Variants in FOXD3 observed in about 807,000 individuals in gnomAD.
FOXD3 encodes forkhead box protein D3.
FOXD3 carries 3 observed loss-of-function variants against 3.6 expected under a neutral mutation model. The observed-to-expected ratio is 0.84, with a 90% CI of 0.38 to 2.18. The LOEUF is 2.18. Among genes scored for constraint, FOXD3 ranks in the 30% most tolerant of loss-of-function variants. The pLI is 0.06. For missense variants in FOXD3, 686 were observed against 731.6 expected, an observed-to-expected ratio of 0.94 and a Z score of 0.72; for synonymous variants, 391 against 360.9, an observed-to-expected ratio of 1.08 and a Z score of -0.94.
At position 63,323,645 on chromosome 1, in the gene FOXD3, A is replaced by G. The variant is rs1647047471; in HGVS notation, c.587A>G (p.Asn196Ser). Residue 196 changes from asparagine (N) to serine (S), a missense_variant, in exon 1 of 1, where the codon AAC becomes AGC. Asn to Ser is a conservative substitution (Grantham distance 46). Coordinates refer to ENST00000371116, the MANE Select transcript of FOXD3 (RefSeq NM_012183.3). The surrounding 1 kb of genome is among the most constrained non-coding windows in gnomAD (Gnocchi z 6.8). ...QNSIRHNLSL[N>S]DCFVKIPREP... The stretch of plus-strand genomic sequence containing the variant: ...AGCATCCGCCACAACCTCTCACTCA[A>G]CGACTGCTTCGTCAAGATCCCCCGC... The G allele has an allele frequency of 6.2e-7, 1 of 1,613,830 alleles. No homozygotes were observed. Among genetic ancestry groups the G allele is most frequent in the Admixed American group, 1.7e-5 (1 of 59,992 alleles).
chr1:63,323,241 G>A lies in FOXD3; in HGVS notation c.183G>A (p.Val61=). 1 of 1,522,048 alleles carries A rather than the reference G, an allele frequency of 6.6e-7. No individual in the cohort carries two copies. Among genetic ancestry groups the A allele is most frequent in the Non-Finnish European group, 8.8e-7 (1 of 1,135,788 alleles). 94.3% of individuals were successfully genotyped at this position (1,522,048 alleles called of 1,614,324 possible). The change falls in exon 1 of 1, where the codon GTG becomes GTA. Residue 61 remains valine, a synonymous_variant. Coordinates refer to ENST00000371116, the MANE Select transcript of FOXD3 (RefSeq NM_012183.3). This position sits in a 1 kb window ranked among gnomAD's most constrained non-coding sequence, Gnocchi z 6.8. ...TGCGCCTGGACGAGGCGGACGAGGT[G>A]CCCCCGGCGGCACCCCATCACGGAC... is the stretch of plus-strand genomic sequence containing the variant. ...PELRLDEADE[V]PPAAPHHGQP...
At position 63,323,734 on chromosome 1, in the gene FOXD3, G is replaced by C; in HGVS notation, c.676G>C (p.Asp226His). Residue 226 changes from aspartate to histidine, a missense_variant, in exon 1 of 1, where the codon GAC (aspartate) becomes CAC (histidine). Asp to His is a moderately conservative substitution (Grantham distance 81, BLOSUM62 -1). This residue lies in a region of FOXD3 where 84 missense variants were observed against 145.2 expected (regional missense o/e 0.58). Coordinates refer to ENST00000371116, the MANE Select transcript of FOXD3 (RefSeq NM_012183.3). The surrounding 1 kb of genome is among the most constrained non-coding windows in gnomAD (Gnocchi z 6.8). Reference sequence around the variant, plus strand: ...GGACCCGCAGTCCGAGGACATGTTCGACAACGGCAGCTTCCTGCGGCGCCG... The same window carrying C: ...GGACCCGCAGTCCGAGGACATGTTCCACAACGGCAGCTTCCTGCGGCGCCG... ...TLDPQSEDMF[D>H]NGSFLRRRKR... 1 of 1,613,892 alleles carries C rather than the reference G, an allele frequency of 6.2e-7. No individual in the cohort carries two copies. Among genetic ancestry groups the C allele is most frequent in the African/African-American group, 1.3e-5 (1 of 75,064 alleles).
rs1405651367 is a variant in FOXD3, at chr1:63,322,631, CG to C, written c.-427del. The stretch of plus-strand genomic sequence containing the variant: ...CCTGACACCCAGCCCCCTGCCCCCC[CG>C]CTACTGTCCCTGCCCGCGCCCTCCC... On this transcript the variant is annotated 5_prime_UTR_variant, in exon 1 of 1. Transcript: ENST00000371116. 67 of 954,684 alleles carry C rather than the reference CG, an allele frequency of 7.0e-5. No individual in the cohort carries two copies. The highest frequency in any genetic ancestry group is 8.1e-5 in the Non-Finnish European group (65 of 802,164). 59.1% of individuals were successfully genotyped at this position (954,684 alleles called of 1,614,324 possible). A position where few individuals can be genotyped will look rare whatever the true frequency, so the allele number is the denominator to read the frequency against.
At position 63,323,895 on chromosome 1, in the gene FOXD3, T is replaced by A. The variant is rs1047985255; in HGVS notation, c.837T>A (p.Pro279=). ...ACGGCCGCCCCTACGGCCTGCACCC[T>A]GCGGCGGCGGCCGGTGCCTATTCGC... ...GPYGRPYGLH[P]AAAAGAYSHP... is the part of the protein sequence containing the mutation. Residue 279 remains proline, a synonymous_variant, in exon 1 of 1, where the codon CCT becomes CCA. Transcript: ENST00000371116. This position sits in a 1 kb window ranked among gnomAD's most constrained non-coding sequence, Gnocchi z 6.8. The A allele has an allele frequency of 2.9e-6, 4 of 1,364,448 alleles. No homozygotes were observed. The highest frequency in any genetic ancestry group is 3.1e-5 in the African/African-American group (2 of 64,568). 84.5% of individuals were successfully genotyped at this position (1,364,448 alleles called of 1,614,324 possible).
rs757659548 is a variant in FOXD3 at position 63,324,095 on chromosome 1, A to G, written c.1037A>G (p.Asn346Ser). ...GGCCCGGGCCTGCAGCTGCAGCTCA[A>G]TAGCCTGGGCGCCGCCGCGGCCGCT... ...QLGPGLQLQL[N>S]SLGAAAAAAG... is the part of the protein sequence containing the mutation. The change falls in exon 1 of 1, where the codon AAT becomes AGT. Residue 346 changes from asparagine to serine, a missense_variant. Asn to Ser is a conservative substitution (Grantham distance 46). Transcript: ENST00000371116. The surrounding 1 kb of genome is among the most constrained non-coding windows in gnomAD (Gnocchi z 4.1). 2.9e-5 allele frequency: 41 copies of G among 1,429,104 alleles called. No homozygotes were observed. Among genetic ancestry groups the G allele is most frequent in the South Asian group, 7.1e-5 (5 of 70,072 alleles). The allele number at this position is 1,429,104 out of a possible 1,614,324, so 88.5% of individuals were successfully genotyped here.
In FOXD3 at chr1:63,323,422, G is replaced by A; in HGVS notation, c.364G>A (p.Ala122Thr). The A allele has an allele frequency of 6.5e-7, 1 of 1,549,536 alleles. No individual in the cohort carries two copies. Among genetic ancestry groups the A allele is most frequent in the Non-Finnish European group, 8.7e-7 (1 of 1,151,472 alleles). ...EGGASGGGPG[A>T]GSGSAGGLAP... The stretch of plus-strand genomic sequence containing the variant: ...CGGCGCGAGCGGCGGCGGGCCTGGC[G>A]CGGGCAGCGGTTCGGCGGGAGGCCT... The change falls in exon 1 of 1, where the codon GCG (alanine) becomes ACG (threonine). Residue 122 changes from alanine (A) to threonine (T), a missense_variant. By Grantham distance (58) the Ala-to-Thr change is moderately conservative. Transcript: ENST00000371116. The surrounding 1 kb of genome is among the most constrained non-coding windows in gnomAD (Gnocchi z 6.8).
rs1647051559 is a variant in FOXD3 at position 63,323,924 on chromosome 1, C to G, written c.866C>G (p.Pro289Arg). ...PAAAAGAYSH[P>R]AAAAAAAAAA... ...GCGGCGGCCGGTGCCTATTCGCACC[C>G]GGCAGCGGCGGCGGCCGCGGCTGCT... Residue 289 changes from proline to arginine, a missense_variant, in exon 1 of 1, where the codon CCG becomes CGG. Pro to Arg is a moderately radical substitution (Grantham distance 103). Transcript: ENST00000371116. The surrounding 1 kb of genome is among the most constrained non-coding windows in gnomAD (Gnocchi z 6.8). 1.1e-5 allele frequency: 14 copies of G among 1,254,412 alleles called. 1 individual carries two copies. The highest frequency in any genetic ancestry group is 1.3e-5 in the Non-Finnish European group (13 of 1,004,590). 77.7% of individuals were successfully genotyped at this position (1,254,412 alleles called of 1,614,324 possible).
chr1:63,323,130 C>T lies in FOXD3; in HGVS notation c.72C>T (p.Asp24=), dbSNP rs1322718255. Residue 24 remains aspartate (D), a synonymous_variant, in exon 1 of 1, where the codon GAC becomes GAT. Transcript: ENST00000371116. The surrounding 1 kb of genome is among the most constrained non-coding windows in gnomAD (Gnocchi z 6.8). ...CGGTGCTGACGGCCGAGGACGTGGA[C>T]ATCGATGTGGTGGGCGAGGGCGACG... ...GQTVLTAEDV[D]IDVVGEGDDG... is the part of the protein sequence containing the mutation. The T allele has an allele frequency of 1.9e-6, 3 of 1,571,842 alleles. No homozygotes were observed. The highest frequency in any genetic ancestry group is 1.7e-6 in the Non-Finnish European group (2 of 1,160,878).
At position 63,323,431 on chromosome 1, in the gene FOXD3, G is replaced by A. The variant is rs761929539; in HGVS notation, c.373G>A (p.Gly125Ser). 5 of 1,561,986 alleles carry A rather than the reference G, an allele frequency of 3.2e-6. No individual in the cohort carries two copies. The African/African-American group carries it at 5.6e-5, about 18-fold the overall frequency. ...ASGGGPGAGS[G>S]SAGGLAPSKP... Reference sequence around the variant, plus strand: ...CGGCGGCGGGCCTGGCGCGGGCAGCGGTTCGGCGGGAGGCCTGGCCCCGAG... The same window carrying A: ...CGGCGGCGGGCCTGGCGCGGGCAGCAGTTCGGCGGGAGGCCTGGCCCCGAG... Residue 125 changes from glycine (G) to serine (S), a missense_variant, in exon 1 of 1, where the codon GGT becomes AGT. By Grantham distance (56) the Gly-to-Ser change is moderately conservative. This residue lies in a region of FOXD3 where 232 missense variants were observed against 214.0 expected (regional missense o/e 1.08). Transcript: ENST00000371116. The surrounding 1 kb of genome is among the most constrained non-coding windows in gnomAD (Gnocchi z 6.8).
chr1:63,323,666 C>G lies in FOXD3; in HGVS notation c.608C>G (p.Pro203Arg). 1 of 1,614,076 alleles carries G rather than the reference C, an allele frequency of 6.2e-7. No individual in the cohort carries two copies. Among genetic ancestry groups the G allele is most frequent in the Non-Finnish European group, 8.5e-7 (1 of 1,179,988 alleles). Residue 203 changes from proline to arginine, a missense_variant, in exon 1 of 1, where the codon CCC (proline) becomes CGC (arginine). Physicochemically the swap from Pro to Arg is moderately radical, Grantham distance 103 (BLOSUM62 -2). This residue lies in a region of FOXD3 where 84 missense variants were observed against 145.2 expected (regional missense o/e 0.58). Transcript: ENST00000371116. This position sits in a 1 kb window ranked among gnomAD's most constrained non-coding sequence, Gnocchi z 6.8. The part of the protein sequence containing the change: ...LSLNDCFVKI[P>R]REPGNPGKGN... ...CTCAACGACTGCTTCGTCAAGATCC[C>G]CCGCGAGCCGGGCAACCCGGGCAAG... is the stretch of plus-strand genomic sequence containing the variant.
chr1:63,322,790 G>C lies in FOXD3; in HGVS notation c.-269G>C. On this transcript the variant is annotated 5_prime_UTR_variant, in exon 1 of 1. Transcript: ENST00000371116. ...AACCGCCGGGGCCGGGAGCGGTAGC[G>C]AGCGCCTAGTACCGAGCGCCAGGGA... The C allele has an allele frequency of 1.0e-6, 1 of 985,386 alleles. No individual in the cohort carries two copies. The allele number at this position is 985,386 out of a possible 1,614,324, so 61.0% of individuals were successfully genotyped here.
At position 63,324,012 on chromosome 1, in the gene FOXD3, G is replaced by T; in HGVS notation, c.954G>T (p.Val318=). 1 of 1,352,670 alleles carries T rather than the reference G, an allele frequency of 7.4e-7. No homozygotes were observed. The highest frequency in any genetic ancestry group is 1.5e-5 in the African/African-American group (1 of 65,204). The allele number at this position is 1,352,670 out of a possible 1,614,324, so 83.8% of individuals were successfully genotyped here. A position where few individuals can be genotyped will look rare whatever the true frequency, so the allele number is the denominator to read the frequency against. Residue 318 remains valine, a synonymous_variant, in exon 1 of 1, where the codon GTG becomes GTT. Coordinates refer to ENST00000371116, the MANE Select transcript of FOXD3 (RefSeq NM_012183.3). The surrounding 1 kb of genome is among the most constrained non-coding windows in gnomAD (Gnocchi z 4.1). Reference sequence around the variant, plus strand: ...TGGCACCGGTGCTGCCTCCCGCTGTGCCGCTGCTGCCCTCGGGCGAGCTGG... The same window carrying T: ...TGGCACCGGTGCTGCCTCCCGCTGTTCCGCTGCTGCCCTCGGGCGAGCTGG... ...PPVAPVLPPA[V]PLLPSGELGR...
At position 63,323,829 on chromosome 1, in the gene FOXD3, C is replaced by T; in HGVS notation, c.771C>T (p.Gly257=). 1 of 1,583,636 alleles carries T rather than the reference C, an allele frequency of 6.3e-7. No homozygotes were observed. Among genetic ancestry groups the T allele is most frequent in the Non-Finnish European group, 8.6e-7 (1 of 1,165,302 alleles). ...EQTALMMQSF[G]AYSLAAAAGA... ...CGGCGCTCATGATGCAGAGCTTCGG[C>T]GCTTACAGCCTGGCGGCGGCGGCCG... The change falls in exon 1 of 1, where the codon GGC becomes GGT. Residue 257 remains glycine (G), a synonymous_variant. Coordinates refer to ENST00000371116, the MANE Select transcript of FOXD3 (RefSeq NM_012183.3). This position sits in a 1 kb window ranked among gnomAD's most constrained non-coding sequence, Gnocchi z 6.8.
chr1:63,323,904 G>A lies in FOXD3; in HGVS notation c.846G>A (p.Ala282=). The stretch of plus-strand genomic sequence containing the variant: ...CCTACGGCCTGCACCCTGCGGCGGC[G>A]GCCGGTGCCTATTCGCACCCGGCAG... ...GRPYGLHPAA[A]AGAYSHPAAA... The change falls in exon 1 of 1, where the codon GCG becomes GCA. Residue 282 remains alanine, a synonymous_variant. Transcript: ENST00000371116. The surrounding 1 kb of genome is among the most constrained non-coding windows in gnomAD (Gnocchi z 6.8). 1 of 1,339,580 alleles carries A rather than the reference G, an allele frequency of 7.5e-7. No individual in the cohort carries two copies. Among genetic ancestry groups the A allele is most frequent in the Non-Finnish European group, 9.5e-7 (1 of 1,052,562 alleles). The allele number at this position is 1,339,580 out of a possible 1,614,324, so 83.0% of individuals were successfully genotyped here.
At position 63,323,439 on chromosome 1, in the gene FOXD3, G is replaced by A. The variant is rs1384905841; in HGVS notation, c.381G>A (p.Ala127=). Residue 127 remains alanine, a synonymous_variant, in exon 1 of 1, where the codon GCG becomes GCA. Transcript: ENST00000371116. This position sits in a 1 kb window ranked among gnomAD's most constrained non-coding sequence, Gnocchi z 6.8. ...GGGPGAGSGS[A]GGLAPSKPKN... is the part of the protein sequence containing the mutation. Reference sequence around the variant, plus strand: ...GGCCTGGCGCGGGCAGCGGTTCGGCGGGAGGCCTGGCCCCGAGCAAGCCCA... The same window carrying A: ...GGCCTGGCGCGGGCAGCGGTTCGGCAGGAGGCCTGGCCCCGAGCAAGCCCA... The A allele has an allele frequency of 8.9e-6, 14 of 1,577,314 alleles. No homozygotes were observed. The highest frequency in any genetic ancestry group is 1.8e-5 in the Admixed American group (1 of 55,846).
Position 63,323,420 on chromosome 1 carries a change from G to A in FOXD3, c.362G>A (p.Gly121Asp). The part of the protein sequence containing the change: ...EEGGASGGGP[G>D]AGSGSAGGLA... Reference sequence around the variant, plus strand: ...GGCGGCGCGAGCGGCGGCGGGCCTGGCGCGGGCAGCGGTTCGGCGGGAGGC... The same window carrying A: ...GGCGGCGCGAGCGGCGGCGGGCCTGACGCGGGCAGCGGTTCGGCGGGAGGC... Residue 121 changes from glycine (G) to aspartate (D), a missense_variant, in exon 1 of 1, where the codon GGC (glycine) becomes GAC (aspartate). Physicochemically the swap from Gly to Asp is moderately conservative, Grantham distance 94 (BLOSUM62 -1). Coordinates refer to ENST00000371116, the MANE Select transcript of FOXD3 (RefSeq NM_012183.3). The surrounding 1 kb of genome is among the most constrained non-coding windows in gnomAD (Gnocchi z 6.8). The A allele has an allele frequency of 6.4e-7, 1 of 1,550,684 alleles. No individual in the cohort carries two copies. The highest frequency in any genetic ancestry group is 8.7e-7 in the Non-Finnish European group (1 of 1,151,954).
Position 63,323,538 on chromosome 1 carries a change from G to A in FOXD3, c.480G>A (p.Lys160=). 1 of 1,614,150 alleles carries A rather than the reference G, an allele frequency of 6.2e-7. No homozygotes were observed. Among genetic ancestry groups the A allele is most frequent in the East Asian group, 2.2e-5 (1 of 44,858 alleles). ...ITMAILQSPQ[K]KLTLSGICEF... is the part of the protein sequence containing the mutation. ...TGGCCATCCTGCAGAGCCCGCAGAA[G>A]AAGCTGACCCTGAGCGGCATCTGCG... The change falls in exon 1 of 1, where the codon AAG becomes AAA. Residue 160 remains lysine, a synonymous_variant. Transcript: ENST00000371116. The surrounding 1 kb of genome is among the most constrained non-coding windows in gnomAD (Gnocchi z 6.8).
Position 63,323,964 on chromosome 1 carries a change from G to A in FOXD3, c.906G>A (p.Gln302=). The A allele has an allele frequency of 1.6e-6, 2 of 1,266,328 alleles. No homozygotes were observed. The highest frequency in any genetic ancestry group is 2.0e-6 in the Non-Finnish European group (2 of 1,011,956). 78.4% of individuals were successfully genotyped at this position (1,266,328 alleles called of 1,614,324 possible). A position where few individuals can be genotyped will look rare whatever the true frequency, so the allele number is the denominator to read the frequency against. The part of the protein sequence containing the change: ...AAAAAAAAAL[Q]YPYALPPVAP... The stretch of plus-strand genomic sequence containing the variant: ...CCGCGGCTGCTGCGGCGGCGCTCCA[G>A]TACCCGTACGCGCTGCCGCCGGTGG... The change falls in exon 1 of 1, where the codon CAG becomes CAA. Residue 302 remains glutamine, a synonymous_variant. Coordinates refer to ENST00000371116, the MANE Select transcript of FOXD3 (RefSeq NM_012183.3). The surrounding 1 kb of genome is among the most constrained non-coding windows in gnomAD (Gnocchi z 6.8).
chr1:63,323,069 C>A lies in FOXD3; in HGVS notation c.11C>A (p.Ser4Tyr). The A allele has an allele frequency of 6.5e-7, 1 of 1,541,400 alleles. No individual in the cohort carries two copies. The highest frequency in any genetic ancestry group is 8.7e-7 in the Non-Finnish European group (1 of 1,146,898). ...CAACCCCGAGGAGGGATGACCCTCT[C>A]CGGCGGCGGCAGCGCCAGCGACATG... MTL[S>Y]GGGSASDMSG... Residue 4 changes from serine to tyrosine, a missense_variant, in exon 1 of 1, where the codon TCC (serine) becomes TAC (tyrosine). Transcript: ENST00000371116. The surrounding 1 kb of genome is among the most constrained non-coding windows in gnomAD (Gnocchi z 6.8).
Sources: gnomAD v4.1 joint callset for allele counts on GRCh38, gnomAD v4.1.1 for gene constraint, gnomAD v4.1.1 regional missense constraint, Gnocchi (gnomAD v3.1) non-coding constraint, MANE v1.5 for transcripts, NCBI Gene and HGNC (gene_info 2026-07-23, HGNC 2026-07-21) for gene names.